MRPL42: variants seen among roughly 807,000 people sequenced by gnomAD.
MRPL42 encodes mitochondrial ribosomal protein L42.
In MRPL42, 17 loss-of-function variants were observed where a neutral mutation model predicts 17.9. The observed-to-expected ratio is 0.95, with a 90% CI of 0.65 to 1.42. The LOEUF is 1.42. Among genes scored for constraint, MRPL42 ranks in the 40% most tolerant of loss-of-function variants. The pLI, the probability that MRPL42 is intolerant of heterozygous loss-of-function variation, is 0.00. For missense variants in MRPL42, 177 were observed against 175.2 expected (o/e 1.01, Z -0.06); for synonymous variants, 59 against 54.4 (o/e 1.08, Z -0.37).
At position 93,509,326 on chromosome 12, in the gene MRPL42, G is replaced by T. The variant is rs1222301908; in HGVS notation, c.*8105G>T. On this transcript the variant is annotated 3_prime_UTR_variant, in exon 6 of 6. Transcript: ENST00000549982. ...TATTTTTAGTTTTAGCCATTCTAATGGATATATAGTAATAATTTGATGGTT... is the reference window on the plus strand; with the variant it reads ...TATTTTTAGTTTTAGCCATTCTAATTGATATATAGTAATAATTTGATGGTT... The T allele has an allele frequency of 6.6e-6, 1 of 151,968 alleles. No homozygotes were observed. Among genetic ancestry groups the T allele is most frequent in the Non-Finnish European group, 1.5e-5 (1 of 67,992 alleles). 9.4% of individuals were successfully genotyped at this position (151,968 alleles called of 1,614,324 possible). A position where few individuals can be genotyped will look rare whatever the true frequency, so the allele number is the denominator to read the frequency against.
intron 5 of MRPL42, among the ~76,000 whole-genome samples, chr12:93,490,679 A>T (rs1414525005): frequency 6.6e-6 from 1 of 151,998 alleles, no homozygotes; most frequent in Non-Finnish European, 1.5e-5. Context: ...CCATTGATTC[A>T]TTCATTCATT....
chr12:93,494,787 A>G lies in MRPL42; in HGVS notation c.384-6389A>G, dbSNP rs544725191. Among the ~76,000 whole-genome samples, 5 of 152,338 alleles carry G rather than the reference A, an allele frequency of 3.3e-5. No homozygotes were observed. The East Asian group carries it at 9.6e-4, about 29-fold the overall frequency. ...CAGTCCAAGGACTGATTCTTGGGGCACTCCAAAATCTAGAGACAAGGGAGA... is the reference window on the plus strand; with the variant it reads ...CAGTCCAAGGACTGATTCTTGGGGCGCTCCAAAATCTAGAGACAAGGGAGA... On this transcript the variant is annotated intron_variant, in intron 5 of 5. Transcript: ENST00000549982.
At chr12:93,500,989 G>A in intron 5 of MRPL42, 187 bp from the exon 6 acceptor site, 1 of 499,794 alleles carries the variant, frequency 2.0e-6, no homozygotes, top group Non-Finnish European at 3.6e-6. Context: ...AAATGATTAG[G>A]TAAAGAAAAG....
chr12:93,501,018 G>T, intron 5 of MRPL42, 158 bp from the exon 6 acceptor site: 1 of 563,512 alleles, frequency 1.8e-6, no homozygotes, highest in Admixed American at 3.8e-5. Context: ...TTTTCACAAT[G>T]GGAGAATGTG....
Position 93,501,644 on chromosome 12 carries a change from T to C in MRPL42, c.*423T>C, listed in dbSNP as rs1235213608. 1 of 152,746 alleles carries C rather than the reference T, an allele frequency of 6.5e-6. No homozygotes were observed. The highest frequency in any genetic ancestry group is 2.4e-5 in the African/African-American group (1 of 41,466). 9.5% of individuals were successfully genotyped at this position (152,746 alleles called of 1,614,324 possible). A position where few individuals can be genotyped will look rare whatever the true frequency, so the allele number is the denominator to read the frequency against. ...TTCAATTTACAATATTTTCAACTGA[T>C]AGTAGGTTTATTGGGATGTAACCCT... On this transcript the variant is annotated 3_prime_UTR_variant, in exon 6 of 6. Transcript: ENST00000549982.
At chr12:93,470,501 T>C in intron 2 of MRPL42, 1 of 1,292,386 alleles carries the variant, frequency 7.7e-7, no homozygotes, top group Non-Finnish European at 1.0e-6. Flanking sequence ...GGCGTACATG[T>C]GCAGGTTTGT....
At chr12:93,471,565 T>G (rs1430674995) in intron 2 of MRPL42, among the ~76,000 whole-genome samples, 5 of 151,626 alleles carry the variant, frequency 3.3e-5, no homozygotes, top group Non-Finnish European at 7.4e-5. Flanking sequence ...CCTCCGAGAG[T>G]GCTGGGATTA....
chr12:93,484,333 A>T (rs7296912), intron 4 of MRPL42, among the ~76,000 whole-genome samples: 101,443 of 151,828 alleles, frequency 0.67, 34,147 homozygotes, highest in Middle Eastern at 0.72. Flanking sequence ...AAAGTGCTGG[A>T]ATTACAGCCA....
chr12:93,492,140 TG>T (rs1953427768), intron 5 of MRPL42, among the ~76,000 whole-genome samples: 1 of 152,202 alleles, frequency 6.6e-6, no homozygotes. Flanking sequence ...TACCTAGTAA[TG>T]GGATTGGTGG....
rs1237939781 is a variant in MRPL42, at chr12:93,510,751, C to G, written c.*9530C>G. ...CCTGATAATATGTGATATGGAACATCTATTTACTCATTATTTTTTCTTCTT... is the reference window on the plus strand; with the variant it reads ...CCTGATAATATGTGATATGGAACATGTATTTACTCATTATTTTTTCTTCTT... On this transcript the variant is annotated 3_prime_UTR_variant, in exon 6 of 6. Transcript: ENST00000549982. 1.3e-5 allele frequency: 2 copies of G among 152,156 alleles called. No individual in the cohort carries two copies. The highest frequency in any genetic ancestry group is 2.4e-5 in the African/African-American group (1 of 41,442). 9.4% of individuals were successfully genotyped at this position (152,156 alleles called of 1,614,324 possible). A position where few individuals can be genotyped will look rare whatever the true frequency, so the allele number is the denominator to read the frequency against.
At chr12:93,495,407 T>G (rs547274919) in intron 5 of MRPL42, among the ~76,000 whole-genome samples, 1 of 151,680 alleles carries the variant, frequency 6.6e-6, no homozygotes, top group African/African-American at 2.4e-5. Context: ...TGTTGTTGTT[T>G]GTATTTTTTG....
At position 93,479,461 on chromosome 12, in the gene MRPL42, G is replaced by T; in HGVS notation, c.208G>T (p.Glu70Ter). The T allele has an allele frequency of 6.2e-7, 1 of 1,606,540 alleles. No homozygotes were observed. Among genetic ancestry groups the T allele is most frequent in the South Asian group, 1.1e-5 (1 of 90,242 alleles). ...CYHPSVDIPYEHTKPIPRPDP... is the reference protein window; with the variant it reads ...CYHPSVDIPY ...CCACCCTTCTGTGGACATTCCATAT[G>T]AACACACAAAAGTATGTATGAGAAA... The change falls in exon 4 of 6, where the codon GAA becomes TAA. Residue 70 changes from glutamate (E) to a stop codon, truncating the protein, a stop_gained. Transcript: ENST00000549982. LOFTEE classifies it high-confidence loss of function.
intron 4 of MRPL42, among the ~76,000 whole-genome samples, chr12:93,479,873 GTT>G (rs35216714): frequency 6.8e-4 from 96 of 140,964 alleles, no homozygotes; most frequent in South Asian, 1.1e-3. Context: ...GGTTCTGACA[GTT>G]TTTTTTTTTT....
intron 5 of MRPL42, among the ~76,000 whole-genome samples, chr12:93,496,035 T>TTACACAAC (rs1323163420): frequency 6.6e-6 from 1 of 152,150 alleles, no homozygotes; most frequent in African/African-American, 2.4e-5. Flanking sequence ...TTGTGGAAAA[T>TTACACAAC]TACACAACAG....
chr12:93,482,669 A>G (rs912071236), intron 4 of MRPL42, among the ~76,000 whole-genome samples: 4 of 152,160 alleles, frequency 2.6e-5, no homozygotes, highest in African/African-American at 9.7e-5. Flanking sequence ...TAGTAGAATA[A>G]TAGTAACATG....
Position 93,507,244 on chromosome 12 carries a change from A to G in MRPL42, c.*6023A>G, listed in dbSNP as rs1016328690. Reference sequence around the variant, plus strand: ...ACTGGATGTGCCCCTGAAATCATATATTTACTACTAAAACCATTAGATTGT... The same window carrying G: ...ACTGGATGTGCCCCTGAAATCATATGTTTACTACTAAAACCATTAGATTGT... On this transcript the variant is annotated 3_prime_UTR_variant, in exon 6 of 6. Transcript: ENST00000549982. The G allele has an allele frequency of 2.0e-5, 3 of 152,176 alleles. No homozygotes were observed. In the East Asian group the frequency reaches 5.8e-4, roughly 29 times the overall value. The allele number at this position is 152,176 out of a possible 1,614,324, so 9.4% of individuals were successfully genotyped here.
At chr12:93,473,711 G>A (rs568923594) in intron 2 of MRPL42, among the ~76,000 whole-genome samples, 3 of 152,128 alleles carry the variant, frequency 2.0e-5, no homozygotes, top group Non-Finnish European at 4.4e-5. Context: ...GATTACAGAC[G>A]TGAGCCACTA....
chr12:93,470,340 C>A, intron 2 of MRPL42: 1 of 668,192 alleles, frequency 1.5e-6, no homozygotes, highest in Non-Finnish European at 2.0e-6. Flanking sequence ...CTTTTCCTGT[C>A]TGTAAACAGA....
At chr12:93,485,067 T>C (rs1255392623) in intron 4 of MRPL42, among the ~76,000 whole-genome samples, 1 of 137,138 alleles carries the variant, frequency 7.3e-6, no homozygotes. Context: ...CCTAGGCTGG[T>C]CTCAACCTCC....
Sources: allele counts gnomAD v4.1 joint callset (sites outside exome capture counted in the v4.1 genomes callset), GRCh38; gene constraint gnomAD v4.1.1; transcripts MANE v1.5; gene names NCBI Gene and HGNC (gene_info 2026-07-23, HGNC 2026-07-21).